Variants in RAB5A observed in about 807,000 individuals in gnomAD.
The protein encoded by RAB5A is ras-related protein Rab-5A.
Under a neutral mutation model 25.7 loss-of-function variants are expected in RAB5A, and 8 were observed. That is an observed-to-expected ratio of 0.31 (90% confidence interval 0.18 to 0.56). RAB5A has a LOEUF of 0.56. RAB5A is among the 20% of genes least tolerant of loss of function. The pLI is 0.91. For synonymous variants in RAB5A, 98 were observed against 89.8 expected (o/e 1.09, Z -0.52); for missense variants, 192 against 259.7 (o/e 0.74, Z 1.79).
chr3:19,982,956 A>G (rs145797380), intron 5 of RAB5A, among the ~76,000 whole-genome samples: 2 of 152,156 alleles, frequency 1.3e-5, no homozygotes, highest in Non-Finnish European at 2.9e-5. Flanking sequence ...TGTTTGTGGC[A>G]GTCTAGAGAA....
chr3:19,965,309 C>G (rs564202372), intron 2 of RAB5A, among the ~76,000 whole-genome samples: 2 of 152,038 alleles, frequency 1.3e-5, no homozygotes, highest in East Asian at 3.9e-4. Flanking sequence ...ATAGTCCCAA[C>G]TACTCTGGAG....
intron 3 of RAB5A, 101 bp downstream of exon 3, chr3:19,975,853 T>G: frequency 7.2e-7 from 1 of 1,381,226 alleles, no homozygotes; most frequent in Non-Finnish European, 9.8e-7. Context: ...CTGATAGTCA[T>G]GACCTTTCTG....
chr3:19,981,066 T>G (rs554083728), intron 5 of RAB5A, among the ~76,000 whole-genome samples: 5 of 152,316 alleles, frequency 3.3e-5, no homozygotes, highest in Admixed American at 2.6e-4. Context: ...TCCCCAAGAT[T>G]GATAGAGATC....
At chr3:19,962,204 A>C (rs1696595958) in intron 2 of RAB5A, among the ~76,000 whole-genome samples, 2 of 152,290 alleles carry the variant, frequency 1.3e-5, no homozygotes, top group African/African-American at 4.8e-5. Flanking sequence ...GTACAGATTC[A>C]AGGGAAGAGT....
At chr3:19,958,972 G>A (rs147902157) in intron 2 of RAB5A, among the ~76,000 whole-genome samples, 2 of 152,264 alleles carry the variant, frequency 1.3e-5, no homozygotes, top group East Asian at 3.9e-4. Context: ...TAGAGCAGAT[G>A]TTCTTATAAA....
chr3:19,971,554 C>T (rs1696752261), intron 2 of RAB5A, among the ~76,000 whole-genome samples: 1 of 152,088 alleles, frequency 6.6e-6, no homozygotes, highest in Non-Finnish European at 1.5e-5. Flanking sequence ...TCACTGCAAC[C>T]TCTGCCTCCC....
At chr3:19,953,597 G>T (rs1463314021) in intron 2 of RAB5A, among the ~76,000 whole-genome samples, 3 of 152,002 alleles carry the variant, frequency 2.0e-5, no homozygotes, top group Admixed American at 6.6e-5. Flanking sequence ...TAGTAGAGAT[G>T]GGGTTTCACC....
chr3:19,975,843 C>A, intron 3 of RAB5A, 91 bp downstream of exon 3: 1 of 1,419,730 alleles, frequency 7.0e-7, no homozygotes, highest in Non-Finnish European at 9.5e-7. Flanking sequence ...AAATCTTTTT[C>A]TGATAGTCAT....
chr3:19,958,233 G>C (rs1575068993), intron 2 of RAB5A, among the ~76,000 whole-genome samples: 1 of 152,184 alleles, frequency 6.6e-6, no homozygotes, highest in East Asian at 1.9e-4. Context: ...TTAATCATTT[G>C]GTTTCAAGCA....
intron 2 of RAB5A, among the ~76,000 whole-genome samples, chr3:19,964,267 A>G (rs1160385136): frequency 6.6e-6 from 1 of 152,210 alleles, no homozygotes; most frequent in African/African-American, 2.4e-5. Flanking sequence ...AGATATCTAT[A>G]TATCTGTATC....
chr3:19,978,483 T>A (rs540928499), intron 5 of RAB5A, 80 bp downstream of exon 5: 6 of 1,073,948 alleles, frequency 5.6e-6, no homozygotes, highest in Admixed American at 2.1e-5. Flanking sequence ...GTCTCTTTTT[T>A]AAAAAATTTT....
At chr3:19,961,790 C>G (rs1257280476) in intron 2 of RAB5A, among the ~76,000 whole-genome samples, 2 of 152,154 alleles carry the variant, frequency 1.3e-5, no homozygotes, top group African/African-American at 4.8e-5. Context: ...AAAGTTACTA[C>G]TATACTCAAA....
chr3:19,971,257 A>T (rs1207879604), intron 2 of RAB5A, among the ~76,000 whole-genome samples: 1 of 151,914 alleles, frequency 6.6e-6, no homozygotes, highest in East Asian at 1.9e-4. Context: ...TTGAGAAATC[A>T]TGAACGTCTT....
At chr3:19,954,039 GA>G (rs201440049) in intron 2 of RAB5A, among the ~76,000 whole-genome samples, 40 of 152,180 alleles carry the variant, frequency 2.6e-4, no homozygotes, top group African/African-American at 9.1e-4. Flanking sequence ...TTTTGAGACG[GA>G]ATTTCACTAC....
intron 5 of RAB5A, among the ~76,000 whole-genome samples, chr3:19,983,375 G>A (rs536975744): frequency 2.1e-5 from 3 of 145,752 alleles, no homozygotes; most frequent in East Asian, 2.0e-4. Context: ...AAGTAATAAT[G>A]AGTATAAAAT....
chr3:19,975,014 T>C (rs1295242809), intron 2 of RAB5A, among the ~76,000 whole-genome samples: 1 of 152,118 alleles, frequency 6.6e-6, no homozygotes, highest in Admixed American at 6.5e-5. Flanking sequence ...TCACCTGAGA[T>C]CAGGAGTTCG....
intron 2 of RAB5A, among the ~76,000 whole-genome samples, chr3:19,960,513 C>T (rs1696569984): frequency 6.6e-6 from 1 of 152,154 alleles, no homozygotes; most frequent in East Asian, 1.9e-4. Flanking sequence ...GTTTCCCAGG[C>T]TGGTCGCGAA....
At position 19,975,678 on chromosome 3, in the gene RAB5A, C is replaced by A. The variant is rs1049089; in HGVS notation, c.241C>A (p.Arg81=). 4 of 1,613,580 alleles carry A rather than the reference C, an allele frequency of 2.5e-6. No individual in the cohort carries two copies. The highest frequency in any genetic ancestry group is 3.4e-6 in the Non-Finnish European group (4 of 1,179,704). The change falls in exon 3 of 6, where the codon CGA becomes AGA. Residue 81 remains arginine, a synonymous_variant. Transcript: ENST00000273047. The stretch of plus-strand genomic sequence containing the variant: ...AATATGGGATACAGCTGGTCAAGAA[C>A]GATACCATAGCCTAGCACCAATGTA... The part of the protein sequence containing the change: ...FEIWDTAGQE[R]YHSLAPMYYR...
At chr3:19,955,230 C>T (rs544282752) in intron 2 of RAB5A, among the ~76,000 whole-genome samples, 1 of 152,116 alleles carries the variant, frequency 6.6e-6, no homozygotes, top group Non-Finnish European at 1.5e-5. Context: ...ACCACAGTTA[C>T]AATTTTGTAT....
Sources: allele counts gnomAD v4.1 joint callset (sites outside exome capture counted in the v4.1 genomes callset), GRCh38; gene constraint gnomAD v4.1.1; transcripts MANE v1.5; gene names NCBI Gene and HGNC (gene_info 2026-07-23, HGNC 2026-07-21).